The following HTR3B variants were observed in gnomAD, a reference collection of about 807,000 sequenced individuals.
The protein encoded by HTR3B is 5-hydroxytryptamine receptor 3B, also known as 5-hydroxytryptamine (serotonin) receptor 3B, ionotropic.
A neutral mutation model predicts 42.8 loss-of-function variants in HTR3B; 44 were observed. That is an observed-to-expected ratio of 1.03 (90% CI 0.81 to 1.32). The LOEUF is 1.32. Among genes scored for constraint, HTR3B ranks in the 40% most tolerant of loss-of-function variants. HTR3B has a pLI of 0.00. For synonymous variants in HTR3B, 203 were observed against 209.0 expected, an observed-to-expected ratio of 0.97 and a Z score of 0.25; for missense variants, 527 against 536.5, an observed-to-expected ratio of 0.98 and a Z score of 0.17.
chr11:113,937,797 C>T (rs1163414903), intron 6 of HTR3B, among the ~76,000 whole-genome samples: 1 of 152,228 alleles, frequency 6.6e-6, no homozygotes, highest in African/African-American at 2.4e-5. Flanking sequence ...CATTACTTGG[C>T]AGGTCGCGTG....
intron 2 of HTR3B, among the ~76,000 whole-genome samples, chr11:113,930,948 T>C (rs2137519985): frequency 6.6e-6 from 1 of 152,308 alleles, no homozygotes; most frequent in African/African-American, 2.4e-5. Context: ...AAACATACGG[T>C]AACTTAACAG....
chr11:113,927,567 C>G (rs1949987889), intron 2 of HTR3B, among the ~76,000 whole-genome samples: 1 of 151,318 alleles, frequency 6.6e-6, no homozygotes, highest in African/African-American at 2.4e-5. Flanking sequence ...TTTTTTCTTT[C>G]CTTTTTTTTT....
intron 1 of HTR3B, among the ~76,000 whole-genome samples, chr11:113,905,289 C>A (rs765917699): frequency 1.3e-4 from 20 of 152,218 alleles, no homozygotes; most frequent in Non-Finnish European, 2.5e-4. Context: ...AAGCTCTCTG[C>A]AGGTTGATTG....
At chr11:113,902,702 A>G (rs1949703999), upstream of HTR3B, among the ~76,000 whole-genome samples, 2 of 152,222 alleles carry the variant, frequency 1.3e-5, no homozygotes, top group Admixed American at 6.5e-5. Flanking sequence ...CTACATTGCC[A>G]CATTACTACC....
chr11:113,938,378 G>A (rs922615403), intron 6 of HTR3B, among the ~76,000 whole-genome samples: 1 of 151,896 alleles, frequency 6.6e-6, no homozygotes, highest in African/African-American at 2.4e-5. Flanking sequence ...ATATAAACTC[G>A]AAAAGTCCCA....
chr11:113,910,736 G>A (rs1486908889), intron 2 of HTR3B, among the ~76,000 whole-genome samples: 1 of 151,588 alleles, frequency 6.6e-6, no homozygotes. Context: ...CACCACACCC[G>A]GCAATTTCTC....
At chr11:113,904,714 A>C, upstream of HTR3B, 1 of 503,652 alleles carries the variant, frequency 2.0e-6, no homozygotes, top group Admixed American at 3.6e-5. Flanking sequence ...GGGAGAAGTT[A>C]AGGGATTTCA....
At chr11:113,915,040 A>G (rs1162409503) in intron 2 of HTR3B, among the ~76,000 whole-genome samples, 6 of 151,884 alleles carry the variant, frequency 4.0e-5, no homozygotes, top group African/African-American at 1.2e-4. Flanking sequence ...ATTTTTTTCT[A>G]TTATTTTCAT....
At chr11:113,924,173 C>A in intron 2 of HTR3B, among the ~76,000 whole-genome samples, 1 of 152,218 alleles carries the variant, frequency 6.6e-6, no homozygotes, top group East Asian at 1.9e-4. Context: ...TAGTCAACTA[C>A]TATATATCTC....
At chr11:113,909,984 CAAAAAAAAAAA>C (rs1178070726) in intron 2 of HTR3B, among the ~76,000 whole-genome samples, 2 of 39,002 alleles carry the variant, frequency 5.1e-5, no homozygotes, top group South Asian at 2.0e-3. Context: ...ACCTTGTCTC[CAAAAAAAAAAA>C]AAAAAAAAAA....
chr11:113,903,291 G>C (rs776172082), upstream of HTR3B, among the ~76,000 whole-genome samples: 3 of 152,214 alleles, frequency 2.0e-5, no homozygotes, highest in Non-Finnish European at 4.4e-5. Flanking sequence ...TATACCGGAA[G>C]AGCTATGGAA....
At chr11:113,931,670 G>T in intron 3 of HTR3B, 88 bp from the exon 4 acceptor site, 2 of 831,456 alleles carry the variant, frequency 2.4e-6, no homozygotes, top group South Asian at 1.5e-5. Flanking sequence ...TGATAAATTG[G>T]ATTATTAATC....
intron 2 of HTR3B, among the ~76,000 whole-genome samples, chr11:113,915,318 A>C (rs140252022): frequency 6.6e-6 from 1 of 152,058 alleles, no homozygotes; most frequent in East Asian, 1.9e-4. Flanking sequence ...ATATCTTTAC[A>C]TATTTCTTTT....
rs767232649 is a variant in HTR3B at position 113,904,889 on chromosome 11, C to G, written c.-45C>G. 22 of 1,514,518 alleles carry G rather than the reference C, an allele frequency of 1.5e-5. No individual in the cohort carries two copies. The highest frequency in any genetic ancestry group is 2.0e-5 in the Non-Finnish European group (22 of 1,089,620). 93.8% of individuals were successfully genotyped at this position (1,514,518 alleles called of 1,614,324 possible). A position where few individuals can be genotyped will look rare whatever the true frequency, so the allele number is the denominator to read the frequency against. ...TAGGAGAAATTGAGCGGCATTCCAT[C>G]TGGTAGGCAAGTTTGCATTTCTCCT... On this transcript the variant is annotated 5_prime_UTR_variant, in exon 1 of 9. The change creates a new upstream start codon in the 5' untranslated region. Coordinates refer to ENST00000260191, the MANE Select transcript of HTR3B (RefSeq NM_006028.5).
At chr11:113,937,803 G>T (rs879711400) in intron 6 of HTR3B, among the ~76,000 whole-genome samples, 1 of 152,202 alleles carries the variant, frequency 6.6e-6, no homozygotes, top group South Asian at 2.1e-4. Context: ...TTGGCAGGTC[G>T]CGTGTATTAG....
In HTR3B at chr11:113,904,820, T is replaced by C. The variant is rs532961616; in HGVS notation, c.-114T>C. The C allele has an allele frequency of 1.2e-6, 1 of 815,950 alleles. No homozygotes were observed. Among genetic ancestry groups the C allele is most frequent in the East Asian group, 2.5e-5 (1 of 40,506 alleles). 50.5% of individuals were successfully genotyped at this position (815,950 alleles called of 1,614,324 possible). A position where few individuals can be genotyped will look rare whatever the true frequency, so the allele number is the denominator to read the frequency against. ...TAGCACCAGTAAGGATAGCATCAACTGGCAAACGGAGAAGGAGGAGAACAG... is the reference window on the plus strand; with the variant it reads ...TAGCACCAGTAAGGATAGCATCAACCGGCAAACGGAGAAGGAGGAGAACAG... On this transcript the variant is annotated 5_prime_UTR_variant, in exon 1 of 9. Transcript: ENST00000260191.
rs750673623 is a variant in HTR3B, at chr11:113,945,909, G to A, written c.1098G>A (p.Ser366=). 3.7e-6 allele frequency: 6 copies of A among 1,613,392 alleles called. No homozygotes were observed. Among genetic ancestry groups the A allele is most frequent in the African/African-American group, 2.7e-5 (2 of 75,018 alleles). Residue 366 remains serine (S), a synonymous_variant, in exon 9 of 9, where the codon TCG becomes TCA. Transcript: ENST00000260191. ...TTTTCCTCCATCACACAGAGTCCTCGCTGTATGGAGAGCACCTGGCCCAGC... is the reference window on the plus strand; with the variant it reads ...TTTTCCTCCATCACACAGAGTCCTCACTGTATGGAGAGCACCTGGCCCAGC... ...RAQRAVVTES[S]LYGEHLAQPG...
intron 2 of HTR3B, among the ~76,000 whole-genome samples, chr11:113,922,676 C>T (rs1268419446): frequency 6.6e-6 from 1 of 152,180 alleles, no homozygotes; most frequent in South Asian, 2.1e-4. Context: ...CTGCCTCAGC[C>T]TCCTGAGTAG....
chr11:113,941,125 C>T (rs6589401), intron 6 of HTR3B, among the ~76,000 whole-genome samples: 7,760 of 152,288 alleles, frequency 0.051, 534 homozygotes, highest in East Asian at 0.29. Context: ...GTCCGGCACA[C>T]TATCTGACAC....
Sources: allele counts gnomAD v4.1 joint callset (sites outside exome capture counted in the v4.1 genomes callset), GRCh38; gene constraint gnomAD v4.1.1; transcripts MANE v1.5; gene names NCBI Gene and HGNC (gene_info 2026-07-23, HGNC 2026-07-21).